Variants in DLGAP2 observed in about 807,000 individuals in gnomAD.
The protein encoded by DLGAP2 is disks large-associated protein 2.
Under a neutral mutation model 100.3 loss-of-function variants are expected in DLGAP2, and 26 were observed. The observed-to-expected ratio is 0.26, with a 90% confidence interval of 0.19 to 0.36. The LOEUF is 0.36. Ranked by LOEUF, DLGAP2 falls within the 10% of genes least tolerant of loss-of-function variation. The pLI is 1.00. For missense variants in DLGAP2, 1,858 were observed against 1,453.2 expected, an observed-to-expected ratio of 1.28 and a Z score of -4.53; for synonymous variants, 886 against 630.1, an observed-to-expected ratio of 1.41 and a Z score of -6.08.
At chr8:1,434,181 C>T (rs1797549906) in intron 3 of DLGAP2, among the ~76,000 whole-genome samples, 1 of 152,062 alleles carries the variant, frequency 6.6e-6, no homozygotes, top group Non-Finnish European at 1.5e-5. Flanking sequence ...AGCTCAGCCG[C>T]TCTCTCTTTC....
At chr8:961,165 C>T (rs1207106656) in intron 2 of DLGAP2, among the ~76,000 whole-genome samples, 1 of 152,218 alleles carries the variant, frequency 6.6e-6, no homozygotes, top group Non-Finnish European at 1.5e-5. Flanking sequence ...GGTTAGTGTA[C>T]ATACTTCTTC....
At chr8:901,516 G>A (rs562030970) in intron 1 of DLGAP2, among the ~76,000 whole-genome samples, 104 of 152,338 alleles carry the variant, frequency 6.8e-4, no homozygotes, top group Non-Finnish European at 1.4e-3. Flanking sequence ...AGGCAGGGGC[G>A]CAGGCGGAAC....
At chr8:1,560,186 G>A (rs1802112482) in intron 5 of DLGAP2, among the ~76,000 whole-genome samples, 1 of 152,182 alleles carries the variant, frequency 6.6e-6, no homozygotes, top group African/African-American at 2.4e-5. Context: ...GACGGTCCCT[G>A]TTTCACATCT....
chr8:867,893 G>C (rs1292573365), intron 1 of DLGAP2, among the ~76,000 whole-genome samples: 2 of 152,178 alleles, frequency 1.3e-5, no homozygotes, highest in Non-Finnish European at 2.9e-5. Flanking sequence ...AAACATATTT[G>C]CTCAACTTTC....
At chr8:857,871 GA>G (rs1164644748) in intron 1 of DLGAP2, among the ~76,000 whole-genome samples, 1 of 117,770 alleles carries the variant, frequency 8.5e-6, no homozygotes, top group Non-Finnish European at 1.9e-5. Flanking sequence ...ACTTGCACAT[GA>G]TTTTTTTTTT....
At chr8:1,524,287 G>T (rs1380955245) in intron 4 of DLGAP2, among the ~76,000 whole-genome samples, 1 of 152,080 alleles carries the variant, frequency 6.6e-6, no homozygotes, top group African/African-American at 2.4e-5. Context: ...CTCCTTAGAA[G>T]GTTGTCTCTT....
chr8:996,631 T>G (rs2129017087), intron 2 of DLGAP2, among the ~76,000 whole-genome samples: 1 of 152,342 alleles, frequency 6.6e-6, no homozygotes, highest in East Asian at 1.9e-4. Flanking sequence ...AAAGGATCTT[T>G]GCAGAAGGTT....
intron 3 of DLGAP2, among the ~76,000 whole-genome samples, chr8:1,437,394 A>T (rs1797675096): frequency 6.6e-6 from 1 of 152,232 alleles, no homozygotes; most frequent in African/African-American, 2.4e-5. Flanking sequence ...TAAGTGGCAC[A>T]TGACTGTACT....
At chr8:1,455,597 G>A (rs1798289752) in intron 3 of DLGAP2, among the ~76,000 whole-genome samples, 1 of 152,228 alleles carries the variant, frequency 6.6e-6, no homozygotes, top group Admixed American at 6.5e-5. Context: ...GGTGGAGGCG[G>A]AGCGCACCTC....
chr8:1,080,552 G>A (rs756356251), intron 2 of DLGAP2, among the ~76,000 whole-genome samples: 11 of 152,246 alleles, frequency 7.2e-5, no homozygotes, highest in Non-Finnish European at 1.6e-4. Context: ...GTGCTCGCAC[G>A]TCTGAAGTGG....
intron 3 of DLGAP2, among the ~76,000 whole-genome samples, chr8:1,450,697 C>G (rs551785431): frequency 6.6e-6 from 1 of 152,224 alleles, no homozygotes; most frequent in South Asian, 2.1e-4. Context: ...GCCTATGTCC[C>G]CAGGGCCTTG....
chr8:1,142,598 G>C (rs907064049), intron 2 of DLGAP2, among the ~76,000 whole-genome samples: 1 of 152,218 alleles, frequency 6.6e-6, no homozygotes, highest in Non-Finnish European at 1.5e-5. Context: ...ATTCATGCTT[G>C]TTCTGTAAGC....
chr8:1,435,744 A>G (rs1158385442), intron 3 of DLGAP2, among the ~76,000 whole-genome samples: 1 of 151,854 alleles, frequency 6.6e-6, no homozygotes. Context: ...CACGTCTGTC[A>G]CCGCCACTGC....
At chr8:1,077,942 G>T (rs903889354) in intron 2 of DLGAP2, among the ~76,000 whole-genome samples, 3 of 152,184 alleles carry the variant, frequency 2.0e-5, no homozygotes, top group Non-Finnish European at 4.4e-5. Flanking sequence ...CCACACCACT[G>T]TCTAGTGCAT....
intron 3 of DLGAP2, among the ~76,000 whole-genome samples, chr8:1,383,286 T>G (rs1420119687): frequency 2.0e-5 from 3 of 152,250 alleles, no homozygotes; most frequent in Non-Finnish European, 4.4e-5. Flanking sequence ...TATGTTACAG[T>G]ATTTCAAATT....
At chr8:1,593,626 G>A (rs913246913) in intron 6 of DLGAP2, among the ~76,000 whole-genome samples, 1 of 152,068 alleles carries the variant, frequency 6.6e-6, no homozygotes, top group African/African-American at 2.4e-5. Flanking sequence ...AGACCCCCTG[G>A]CTTCTACCTT....
chr8:997,153 C>G (rs1800804671), intron 2 of DLGAP2, among the ~76,000 whole-genome samples: 1 of 152,136 alleles, frequency 6.6e-6, no homozygotes. Context: ...ATTTTGTAAA[C>G]TATCTCATGA....
At chr8:762,741 C>T (rs535324366) in intron 1 of DLGAP2, among the ~76,000 whole-genome samples, 1 of 152,122 alleles carries the variant, frequency 6.6e-6, no homozygotes. Flanking sequence ...ACAGTCACCA[C>T]AATCACAGCT....
At chr8:827,393 A>G (rs1796701470) in intron 1 of DLGAP2, among the ~76,000 whole-genome samples, 2 of 152,294 alleles carry the variant, frequency 1.3e-5, no homozygotes, top group South Asian at 4.1e-4. Context: ...ATTATTTTTA[A>G]AATACACATT....
Sources: allele counts gnomAD v4.1 joint callset (sites outside exome capture counted in the v4.1 genomes callset), GRCh38; gene constraint gnomAD v4.1.1; transcripts MANE v1.5; gene names NCBI Gene and HGNC (gene_info 2026-07-23, HGNC 2026-07-21).